The following GBX1 variants were observed in gnomAD, a reference collection of about 807,000 sequenced individuals.
GBX1 encodes the protein gastrulation brain homeobox 1.
A neutral mutation model predicts 22.9 loss-of-function variants in GBX1; 9 were observed. The observed-to-expected ratio is 0.39, with a 90% CI of 0.24 to 0.69. GBX1 has a LOEUF of 0.69. Among genes scored for constraint, GBX1 ranks in the 30% least tolerant of loss-of-function variants. The pLI, the probability that GBX1 is intolerant of heterozygous loss-of-function variation, is 0.43. For missense variants in GBX1, 494 were observed against 509.2 expected (o/e 0.97, Z 0.29); for synonymous variants, 203 against 227.3 (o/e 0.89, Z 0.96).
chr7:151,148,594 G>T lies in GBX1; in HGVS notation c.1087C>A (p.Pro363Thr). ...QHQQMEQGAR[P>T] Reference sequence around the variant, plus strand: ...CTAAGTTCTTGGGTGCCCATTCAGGGCCGGGCCCCCTGCTCCATTTGTTGG... The same window carrying T: ...CTAAGTTCTTGGGTGCCCATTCAGGTCCGGGCCCCCTGCTCCATTTGTTGG... Residue 363 changes from proline (P) to threonine (T), a missense_variant, in exon 2 of 2, where the codon CCC (proline) becomes ACC (threonine). By Grantham distance (38) the Pro-to-Thr change is conservative (BLOSUM62 -1). Coordinates refer to ENST00000297537, the MANE Select transcript of GBX1 (RefSeq NM_001098834.3). This position sits in a 1 kb window ranked among gnomAD's most constrained non-coding sequence, Gnocchi z 5.1. The T allele has an allele frequency of 3.1e-6, 5 of 1,612,818 alleles. No homozygotes were observed. Among genetic ancestry groups the T allele is most frequent in the East Asian group, 2.2e-5 (1 of 44,856 alleles).
At chr7:151,158,295 A>T (rs1254672085) in intron 1 of GBX1, among the ~76,000 whole-genome samples, 1 of 152,206 alleles carries the variant, frequency 6.6e-6, no homozygotes, top group African/African-American at 2.4e-5. Flanking sequence ...ACCACATAAG[A>T]TTCCACCAGT....
intron 1 of GBX1, among the ~76,000 whole-genome samples, chr7:151,163,286 C>A (rs1271162167): frequency 6.6e-6 from 1 of 151,918 alleles, no homozygotes; most frequent in Non-Finnish European, 1.5e-5. Flanking sequence ...TCTGCCCATC[C>A]CACCTAAGAC....
intron 1 of GBX1, among the ~76,000 whole-genome samples, chr7:151,152,076 A>C (rs1281784841): frequency 3.3e-5 from 5 of 152,190 alleles, no homozygotes; most frequent in Non-Finnish European, 7.3e-5. Context: ...AGCTTCGTGA[A>C]AGTAGGTATT....
intron 1 of GBX1, 21 bp from the exon 2 acceptor site, chr7:151,149,163 A>C (rs770142451): frequency 6.3e-7 from 1 of 1,585,868 alleles, no homozygotes; most frequent in South Asian, 1.1e-5. Context: ...CAAGAAGCCA[A>C]TGGATGGGGA....
chr7:151,160,395 C>T (rs1247523640), intron 1 of GBX1, among the ~76,000 whole-genome samples: 1 of 152,144 alleles, frequency 6.6e-6, no homozygotes, highest in Non-Finnish European at 1.5e-5. Context: ...CTGTTTTCTC[C>T]ATTACTTCTA....
chr7:151,149,889 T>C (rs1451576587), intron 1 of GBX1: 4 of 455,850 alleles, frequency 8.8e-6, no homozygotes, highest in African/African-American at 6.0e-5. Context: ...TCCTTACCCT[T>C]GACCTTAAAA....
At chr7:151,150,866 G>A (rs980446245) in intron 1 of GBX1, among the ~76,000 whole-genome samples, 3 of 152,132 alleles carry the variant, frequency 2.0e-5, no homozygotes, top group Non-Finnish European at 4.4e-5. Flanking sequence ...CCAAGTAGCT[G>A]TGACCACAGG....
rs1453002971 is a variant in GBX1 at position 151,149,081 on chromosome 7, T to C, written c.600A>G (p.Ala200=). The part of the protein sequence containing the change: ...EKLEASAGDP[A]GSEQEEEGSG... ...AGCCCTCTTCCTCCTGTTCGCTGCC[T>C]GCTGGGTCTCCTGCTGATGCCTCCA... The change falls in exon 2 of 2, where the codon GCA becomes GCG. Residue 200 remains alanine (A), a synonymous_variant. Transcript: ENST00000297537. 6.2e-7 allele frequency: 1 copy of C among 1,613,220 alleles called. No homozygotes were observed. Among genetic ancestry groups the C allele is most frequent in the Non-Finnish European group, 8.5e-7 (1 of 1,180,032 alleles).
chr7:151,164,679 C>A (rs1801229076), intron 1 of GBX1, among the ~76,000 whole-genome samples: 1 of 151,728 alleles, frequency 6.6e-6, no homozygotes, highest in African/African-American at 2.4e-5. Flanking sequence ...TTTATTCCAG[C>A]ACTTTTTCAA....
intron 1 of GBX1, among the ~76,000 whole-genome samples, chr7:151,156,155 G>A (rs751742868): frequency 3.3e-5 from 5 of 151,728 alleles, no homozygotes; most frequent in Non-Finnish European, 5.9e-5. Context: ...AAGCCAAGGC[G>A]GGCAGATCAC....
chr7:151,149,747 C>T (rs1403289187), intron 1 of GBX1: 2 of 357,098 alleles, frequency 5.6e-6, no homozygotes, highest in African/African-American at 4.3e-5. Flanking sequence ...GGCCTCTGTT[C>T]TGTCTCCTCC....
At chr7:151,156,243 T>G (rs1372116573) in intron 1 of GBX1, among the ~76,000 whole-genome samples, 1 of 151,256 alleles carries the variant, frequency 6.6e-6, no homozygotes, top group Non-Finnish European at 1.5e-5. Context: ...AAAAATTAGC[T>G]GGGCACATTG....
chr7:151,152,353 C>T (rs980112955), intron 1 of GBX1, among the ~76,000 whole-genome samples: 5 of 152,260 alleles, frequency 3.3e-5, no homozygotes, highest in African/African-American at 1.2e-4. Flanking sequence ...TTTCAGAATG[C>T]CCTCAGATCT....
intron 1 of GBX1, among the ~76,000 whole-genome samples, 183 bp downstream of exon 1, chr7:151,166,828 G>A (rs975880941): frequency 7.2e-5 from 11 of 152,232 alleles, no homozygotes; most frequent in African/African-American, 2.2e-4. Context: ...CAGGGCGGGG[G>A]TTCTGGAATC....
chr7:151,153,695 C>T (rs1249942029), intron 1 of GBX1, among the ~76,000 whole-genome samples: 4 of 152,088 alleles, frequency 2.6e-5, no homozygotes, highest in Non-Finnish European at 5.9e-5. Flanking sequence ...CATAGGCGCA[C>T]ACCACCATGG....
At position 151,167,203 on chromosome 7, in the gene GBX1, A is replaced by G. The variant is rs1425506450; in HGVS notation, c.346T>C (p.Tyr116His). 6.4e-7 allele frequency: 1 copy of G among 1,566,778 alleles called. No individual in the cohort carries two copies. Among genetic ancestry groups the G allele is most frequent in the Non-Finnish European group, 8.6e-7 (1 of 1,158,626 alleles). Residue 116 changes from tyrosine to histidine, a missense_variant, in exon 1 of 2, where the codon TAC (tyrosine) becomes CAC (histidine). This residue lies in a region of GBX1 where 365 missense variants were observed against 340.4 expected (regional missense o/e 1.07). Coordinates refer to ENST00000297537, the MANE Select transcript of GBX1 (RefSeq NM_001098834.3). This position sits in a 1 kb window ranked among gnomAD's most constrained non-coding sequence, Gnocchi z 5.9. ...PSFAEPPDAF[Y>H]GPQELAAAAA... ...GCGGCGGCGAGCTCCTGGGGCCCGT[A>G]GAAAGCGTCGGGCGGCTCCGCGAAG...
chr7:151,163,361 C>T (rs139202813), intron 1 of GBX1, among the ~76,000 whole-genome samples: 3 of 152,134 alleles, frequency 2.0e-5, no homozygotes, highest in African/African-American at 7.2e-5. Flanking sequence ...TCCTAATACA[C>T]TGAGGACCCA....
intron 1 of GBX1, among the ~76,000 whole-genome samples, chr7:151,154,525 T>C (rs1430926757): frequency 6.6e-6 from 1 of 152,260 alleles, no homozygotes; most frequent in African/African-American, 2.4e-5. Flanking sequence ...TTCCCTATGG[T>C]TGAGTCTAAT....
chr7:151,164,219 C>G (rs970128803), intron 1 of GBX1, among the ~76,000 whole-genome samples: 10 of 152,224 alleles, frequency 6.6e-5, no homozygotes, highest in African/African-American at 9.6e-5. Context: ...AATTTCTCCT[C>G]TGTCATTTTA....
Sources: gnomAD v4.1 joint callset for allele counts (sites outside exome capture counted in the v4.1 genomes callset) on GRCh38, gnomAD v4.1.1 for gene constraint, gnomAD v4.1.1 regional missense constraint, Gnocchi (gnomAD v3.1) non-coding constraint, MANE v1.5 for transcripts, NCBI Gene and HGNC (gene_info 2026-07-23, HGNC 2026-07-21) for gene names.